RSPO2: variants seen among roughly 807,000 people sequenced by gnomAD.
The protein encoded by RSPO2 is R-spondin-2.
RSPO2 carries 14 observed loss-of-function variants against 30.9 expected under a neutral mutation model. The ratio of observed to expected loss-of-function variants is 0.45; its 90% CI spans 0.30 to 0.71. The LOEUF is 0.71. Ranked by LOEUF, RSPO2 falls within the 30% of genes least tolerant of loss-of-function variation. The pLI, the probability that RSPO2 is intolerant of heterozygous loss-of-function variation, is 0.08. For missense variants in RSPO2, 264 were observed against 301.9 expected (o/e 0.87, Z 0.93); for synonymous variants, 107 against 96.4 (o/e 1.11, Z -0.64).
chr8:108,050,079 T>C (rs1563579189), intron 2 of RSPO2, among the ~76,000 whole-genome samples: 2 of 152,300 alleles, frequency 1.3e-5, no homozygotes, highest in East Asian at 3.9e-4. Flanking sequence ...CATAATCTCA[T>C]GCAGGAGGGG....
chr8:108,041,113 A>T (rs1811738401), intron 2 of RSPO2, among the ~76,000 whole-genome samples: 1 of 151,770 alleles, frequency 6.6e-6, no homozygotes, highest in Non-Finnish European at 1.5e-5. Flanking sequence ...TTTGAAAGTT[A>T]AGCAATTGAG....
chr8:107,944,017 G>A (rs1182336815), intron 5 of RSPO2, among the ~76,000 whole-genome samples: 1 of 152,096 alleles, frequency 6.6e-6, no homozygotes, highest in Admixed American at 6.6e-5. Flanking sequence ...TTCTTTTAGA[G>A]TTTTCAAGAA....
chr8:107,950,649 G>T (rs1002888668), intron 5 of RSPO2, among the ~76,000 whole-genome samples: 1 of 151,218 alleles, frequency 6.6e-6, no homozygotes, highest in Admixed American at 6.6e-5. Context: ...TCAAACACAA[G>T]ATGATAGTAT....
At chr8:107,916,133 TAAATC>T (rs774329129) in intron 5 of RSPO2, among the ~76,000 whole-genome samples, 18 of 152,212 alleles carry the variant, frequency 1.2e-4, no homozygotes, top group Non-Finnish European at 1.8e-4. Context: ...AATAAGTTCT[TAAATC>T]AAGTATTTTG....
chr8:108,051,775 A>G (rs1404637908), intron 2 of RSPO2, among the ~76,000 whole-genome samples: 2 of 152,236 alleles, frequency 1.3e-5, no homozygotes, highest in East Asian at 1.9e-4. Context: ...GCTGACTCCC[A>G]TCTGGGACTC....
intron 5 of RSPO2, among the ~76,000 whole-genome samples, chr8:107,937,151 G>GTTTTTTT (rs149136012): frequency 9.3e-6 from 1 of 107,724 alleles, no homozygotes. Context: ...TCCATCTTCA[G>GTTTTTTT]TTGTTTTTTT....
At chr8:107,949,249 C>T (rs896615115) in intron 5 of RSPO2, among the ~76,000 whole-genome samples, 3 of 152,082 alleles carry the variant, frequency 2.0e-5, no homozygotes, top group Non-Finnish European at 2.9e-5. Context: ...AGTGAGAACA[C>T]ACAATATCTG....
chr8:107,916,039 C>T (rs1811970789), intron 5 of RSPO2, among the ~76,000 whole-genome samples: 1 of 152,056 alleles, frequency 6.6e-6, no homozygotes. Context: ...AAAAACTGTA[C>T]AACTACTATA....
In RSPO2 at chr8:107,945,405, C is replaced by T. The variant is rs370632646; in HGVS notation, c.616+12675G>A. Among the ~76,000 whole-genome samples, 37 of 151,820 alleles carry T rather than the reference C, an allele frequency of 2.4e-4. No individual in the cohort carries two copies. The South Asian group carries it at 7.3e-3, about 30-fold the overall frequency. On this transcript the variant is annotated intron_variant, in intron 5 of 5. Coordinates refer to ENST00000276659, the MANE Select transcript of RSPO2 (RefSeq NM_178565.5). ...CTGAGACTACAGGCATCTGCCACCACGCCGGGCTAATTTTTTGTATTTTTA... is the reference window on the plus strand; with the variant it reads ...CTGAGACTACAGGCATCTGCCACCATGCCGGGCTAATTTTTTGTATTTTTA...
intron 5 of RSPO2, among the ~76,000 whole-genome samples, chr8:107,933,289 C>T (rs1300992604): frequency 1.3e-5 from 2 of 152,028 alleles, no homozygotes; most frequent in Admixed American, 6.6e-5. Flanking sequence ...ACATGTTGAG[C>T]CTGCTATAAA....
intron 3 of RSPO2, among the ~76,000 whole-genome samples, chr8:107,975,626 C>T (rs1024388854): frequency 1.6e-4 from 24 of 152,200 alleles, no homozygotes; most frequent in African/African-American, 5.3e-4. Flanking sequence ...TTAGGGACCC[C>T]ATGCCACCTG....
At chr8:108,030,569 A>C (rs1291792467) in intron 2 of RSPO2, among the ~76,000 whole-genome samples, 9 of 152,200 alleles carry the variant, frequency 5.9e-5, no homozygotes, top group African/African-American at 2.2e-4. Context: ...CTAGAGATAG[A>C]ACACACACCA....
chr8:108,021,773 G>A (rs540863770), intron 2 of RSPO2, among the ~76,000 whole-genome samples: 3 of 151,782 alleles, frequency 2.0e-5, no homozygotes, highest in Non-Finnish European at 4.4e-5. Flanking sequence ...CCTGTCGGGG[G>A]CAGGGGTTGG....
At chr8:107,985,817 A>G (rs1446185133) in intron 3 of RSPO2, among the ~76,000 whole-genome samples, 1 of 152,230 alleles carries the variant, frequency 6.6e-6, no homozygotes, top group Non-Finnish European at 1.5e-5. Context: ...CATGTATCAC[A>G]GAATTACTCA....
intron 2 of RSPO2, among the ~76,000 whole-genome samples, chr8:108,057,367 T>C (rs973649730): frequency 2.0e-5 from 3 of 152,172 alleles, no homozygotes; most frequent in Non-Finnish European, 2.9e-5. Flanking sequence ...AGGTTATTGG[T>C]AGTTGTATTT....
intron 5 of RSPO2, among the ~76,000 whole-genome samples, chr8:107,927,154 A>G (rs1812404673): frequency 1.3e-5 from 2 of 152,106 alleles, no homozygotes. Flanking sequence ...TTCTCTTTGA[A>G]GCAATTGTGA....
intron 5 of RSPO2, among the ~76,000 whole-genome samples, chr8:107,947,049 G>T (rs981601397): frequency 1.3e-5 from 2 of 152,216 alleles, no homozygotes; most frequent in Admixed American, 1.3e-4. Flanking sequence ...CTCACTTCAT[G>T]CCACAAACTG....
rs188138876 is a variant in RSPO2 at position 107,900,562 on chromosome 8, A to T, written c.*513T>A. The T allele has an allele frequency of 2.9e-3, 442 of 153,074 alleles. 7 individuals are homozygous for T. Among genetic ancestry groups the T allele is most frequent in the Admixed American group, 0.024 (361 of 15,346 alleles). The allele number at this position is 153,074 out of a possible 1,614,324, so 9.5% of individuals were successfully genotyped here. A position where few individuals can be genotyped will look rare whatever the true frequency, so the allele number is the denominator to read the frequency against. The stretch of plus-strand genomic sequence containing the variant: ...TATTAGGGCTGCAGTGAAACTGAGC[A>T]GGAATTTCCAGAGCATATCCTCAGC... On this transcript the variant is annotated 3_prime_UTR_variant, in exon 6 of 6. Coordinates refer to ENST00000276659, the MANE Select transcript of RSPO2 (RefSeq NM_178565.5).
At chr8:108,082,875 T>C (rs1412843454) in intron 1 of RSPO2, 68 bp from the exon 2 acceptor site, 4 of 494,630 alleles carry the variant, frequency 8.1e-6, no homozygotes, top group Non-Finnish European at 1.4e-5. Context: ...CAGCTGCGCC[T>C]TCGCACGTCC....
Sources: gnomAD v4.1 joint callset for allele counts (sites outside exome capture counted in the v4.1 genomes callset) on GRCh38, gnomAD v4.1.1 for gene constraint, MANE v1.5 for transcripts, NCBI Gene and HGNC (gene_info 2026-07-23, HGNC 2026-07-21) for gene names.